Variants in GRM7 observed in about 807,000 individuals in gnomAD.
GRM7 encodes the protein glutamate metabotropic receptor 7, also known as metabotropic glutamate receptor 7.
GRM7 carries 35 observed loss-of-function variants against 84.5 expected under a neutral mutation model. The ratio of observed to expected loss-of-function variants is 0.41; its 90% CI spans 0.32 to 0.55. GRM7 has a LOEUF of 0.55. Ranked by LOEUF, GRM7 falls within the 20% of genes least tolerant of loss-of-function variation. The pLI, the probability that GRM7 is intolerant of heterozygous loss-of-function variation, is 0.19. For missense variants in GRM7, 1,003 were observed against 1,194.6 expected, an observed-to-expected ratio of 0.84 and a Z score of 2.36; for synonymous variants, 487 against 455.1, an observed-to-expected ratio of 1.07 and a Z score of -0.89.
intron 2 of GRM7, among the ~76,000 whole-genome samples, chr3:7,218,204 G>A (rs529293671): frequency 3.3e-5 from 5 of 152,096 alleles, no homozygotes; most frequent in African/African-American, 9.6e-5. Flanking sequence ...TAAATATTTC[G>A]TACATATTTG....
At chr3:7,089,221 G>C (rs1191911579) in intron 1 of GRM7, among the ~76,000 whole-genome samples, 1 of 152,084 alleles carries the variant, frequency 6.6e-6, no homozygotes, top group East Asian at 1.9e-4. Context: ...AAAATCTATA[G>C]AAGAGAAAAT....
chr3:7,466,222 A>C (rs1698454294), intron 7 of GRM7, among the ~76,000 whole-genome samples: 1 of 152,150 alleles, frequency 6.6e-6, no homozygotes, highest in South Asian at 2.1e-4. Flanking sequence ...AATAAACAAG[A>C]GGCAGATCCA....
chr3:6,882,342 T>C (rs1165874610), intron 1 of GRM7, among the ~76,000 whole-genome samples: 2 of 152,188 alleles, frequency 1.3e-5, no homozygotes, highest in African/African-American at 4.8e-5. Context: ...ATTATAAAAG[T>C]AGCATAAACT....
intron 7 of GRM7, among the ~76,000 whole-genome samples, chr3:7,530,090 TATC>T (rs1700975060): frequency 2.4e-5 from 2 of 83,722 alleles, no homozygotes; most frequent in South Asian, 8.2e-4. Flanking sequence ...ATCCCTCCCC[TATC>T]CCCCCCACCC....
chr3:7,274,183 T>C (rs1219085729), intron 2 of GRM7, among the ~76,000 whole-genome samples: 1 of 152,028 alleles, frequency 6.6e-6, no homozygotes, highest in African/African-American at 2.4e-5. Context: ...TAATTCCTTC[T>C]TCTAGTCCCT....
chr3:7,740,031 T>C (rs1202591480), intron 9 of GRM7, among the ~76,000 whole-genome samples: 1 of 152,168 alleles, frequency 6.6e-6, no homozygotes, highest in African/African-American at 2.4e-5. Context: ...CAACGAAATA[T>C]ACCACAGTGT....
intron 1 of GRM7, among the ~76,000 whole-genome samples, chr3:7,062,685 C>T (rs1697470300): frequency 6.6e-6 from 1 of 151,678 alleles, no homozygotes; most frequent in African/African-American, 2.4e-5. Flanking sequence ...TTGTCTAACC[C>T]TCTCTTTCCA....
At chr3:7,269,988 T>C (rs778227665) in intron 2 of GRM7, among the ~76,000 whole-genome samples, 10 of 152,194 alleles carry the variant, frequency 6.6e-5, no homozygotes, top group Non-Finnish European at 1.5e-4. Flanking sequence ...TCTCAAACTT[T>C]AGCATGCATC....
chr3:7,059,884 C>G (rs1292148133), intron 1 of GRM7, among the ~76,000 whole-genome samples: 2 of 151,824 alleles, frequency 1.3e-5, no homozygotes, highest in Non-Finnish European at 2.9e-5. Flanking sequence ...AGCTCCTCAG[C>G]CTCCAGAACT....
chr3:7,536,143 A>C lies in GRM7; in HGVS notation c.1516-42279A>C, dbSNP rs76036764. 7.3e-3 allele frequency among the ~76,000 whole-genome samples: 1,110 copies of C among 152,298 alleles called. 17 individuals are homozygous for C. The highest frequency in any genetic ancestry group is 0.025 in the African/African-American group (1,025 of 41,558). The stretch of plus-strand genomic sequence containing the variant: ...TCAGATGATGGGCTCTGGAATCAGA[A>C]TGCTGGGACTTGGTTTCTGAAGTCT... On this transcript the variant is annotated intron_variant, in intron 7 of 9. Transcript: ENST00000357716.
chr3:7,386,920 G>A (rs993873537), intron 4 of GRM7, among the ~76,000 whole-genome samples: 7 of 152,100 alleles, frequency 4.6e-5, no homozygotes, highest in South Asian at 2.1e-4. Flanking sequence ...CTGCAACCTC[G>A]CTAACATCTG....
chr3:7,159,810 C>A (rs1694568064), intron 2 of GRM7, among the ~76,000 whole-genome samples: 1 of 152,078 alleles, frequency 6.6e-6, no homozygotes, highest in South Asian at 2.1e-4. Context: ...TCCTACTTTT[C>A]AAAATGACTC....
At chr3:7,039,713 AG>A (rs1696519459) in intron 1 of GRM7, among the ~76,000 whole-genome samples, 1 of 109,194 alleles carries the variant, frequency 9.2e-6, no homozygotes, top group South Asian at 2.6e-4. Context: ...AGAGTAACTG[AG>A]AAAAAAAAAA....
intron 1 of GRM7, among the ~76,000 whole-genome samples, chr3:6,964,510 C>T: frequency 6.6e-6 from 1 of 152,180 alleles, no homozygotes; most frequent in East Asian, 1.9e-4. Flanking sequence ...ACTTCTCAGA[C>T]ATATCCAGTC....
chr3:6,863,021 G>C lies in GRM7; in HGVS notation c.519+1114G>C. ...CACTGGGTAGGAATGAGTGGCTTTG[G>C]GGTTTGGAAATTGAGTTTCAGGGTC... On this transcript the variant is annotated intron_variant, in intron 1 of 9. Coordinates refer to ENST00000357716, the MANE Select transcript of GRM7 (RefSeq NM_000844.4). The surrounding 1 kb of genome is among the most constrained non-coding windows in gnomAD (Gnocchi z 4.8). 1 of 455,960 alleles carries C rather than the reference G, an allele frequency of 2.2e-6. No homozygotes were observed. Among genetic ancestry groups the C allele is most frequent in the Admixed American group, 2.4e-5 (1 of 42,482 alleles). 28.2% of individuals were successfully genotyped at this position (455,960 alleles called of 1,614,324 possible).
At chr3:6,872,776 C>T (rs1329844280) in intron 1 of GRM7, among the ~76,000 whole-genome samples, 2 of 152,104 alleles carry the variant, frequency 1.3e-5, no homozygotes, top group African/African-American at 2.4e-5. Flanking sequence ...ATCCATGTCC[C>T]TACAAAGGAC....
intron 8 of GRM7, among the ~76,000 whole-genome samples, chr3:7,582,930 A>G (rs753670925): frequency 3.9e-5 from 6 of 152,206 alleles, no homozygotes; most frequent in Non-Finnish European, 5.9e-5. Context: ...GCCAGTGGAC[A>G]CGATGCCAAC....
At chr3:7,491,914 C>T (rs140238108) in intron 7 of GRM7, among the ~76,000 whole-genome samples, 10 of 152,116 alleles carry the variant, frequency 6.6e-5, no homozygotes, top group Non-Finnish European at 8.8e-5. Context: ...AAGTCTCTTG[C>T]GTTGCCCTGT....
chr3:7,609,587 G>T (rs147986029), intron 8 of GRM7, among the ~76,000 whole-genome samples: 1 of 152,134 alleles, frequency 6.6e-6, no homozygotes, highest in Non-Finnish European at 1.5e-5. Flanking sequence ...GTGGGTGAAT[G>T]TGGGGTTAGA....
Sources: allele counts gnomAD v4.1 joint callset (sites outside exome capture counted in the v4.1 genomes callset), GRCh38; gene constraint gnomAD v4.1.1; non-coding constraint Gnocchi (gnomAD v3.1); transcripts MANE v1.5; gene names NCBI Gene and HGNC (gene_info 2026-07-23, HGNC 2026-07-21).